CNTN5: variants seen among roughly 807,000 people sequenced by gnomAD.
The protein encoded by CNTN5 is contactin-5.
A neutral mutation model predicts 129.1 loss-of-function variants in CNTN5; 77 were observed. The ratio of observed to expected loss-of-function variants is 0.60; its 90% CI spans 0.50 to 0.72. The LOEUF (loss-of-function observed/expected upper bound fraction) is 0.72, where lower values mean the gene tolerates loss of function less well. Ranked by LOEUF, CNTN5 falls within the 30% of genes least tolerant of loss-of-function variation. The pLI is 0.00. For missense variants in CNTN5, 1,478 were observed against 1,328.8 expected (o/e 1.11, Z -1.75); for synonymous variants, 509 against 465.6 (o/e 1.09, Z -1.20).
At chr11:99,906,228 A>G (rs1591396649) in intron 6 of CNTN5, among the ~76,000 whole-genome samples, 1 of 152,206 alleles carries the variant, frequency 6.6e-6, no homozygotes, top group South Asian at 2.1e-4. Context: ...TTCAAAGGGA[A>G]TGCTTCCACC....
At chr11:99,984,763 T>G (rs1938566881) in intron 8 of CNTN5, among the ~76,000 whole-genome samples, 1 of 152,206 alleles carries the variant, frequency 6.6e-6, no homozygotes, top group Non-Finnish European at 1.5e-5. Context: ...ACATGGAATG[T>G]TGCATGCATA....
chr11:100,210,174 C>CAAAAA (rs59613776), intron 15 of CNTN5, among the ~76,000 whole-genome samples: 3 of 81,082 alleles, frequency 3.7e-5, no homozygotes, highest in South Asian at 9.4e-4. Context: ...TGCCTCTATA[C>CAAAAA]AAAAAAAAAA....
chr11:99,776,690 A>G (rs1444740723), intron 3 of CNTN5, among the ~76,000 whole-genome samples: 1 of 151,742 alleles, frequency 6.6e-6, no homozygotes, highest in Non-Finnish European at 1.5e-5. Flanking sequence ...ATAAATATAC[A>G]GCAGTGCTCT....
At chr11:100,084,708 A>G (rs1944483509) in intron 13 of CNTN5, among the ~76,000 whole-genome samples, 1 of 152,144 alleles carries the variant, frequency 6.6e-6, no homozygotes. Flanking sequence ...GTAGGGAGAT[A>G]GATTGATAGT....
At chr11:100,314,749 T>G (rs1165643993) in intron 21 of CNTN5, among the ~76,000 whole-genome samples, 1 of 152,100 alleles carries the variant, frequency 6.6e-6, no homozygotes, top group Non-Finnish European at 1.5e-5. Flanking sequence ...CTGATCTCCC[T>G]CCTGCAAGTT....
At chr11:99,683,694 T>C (rs1255987682) in intron 3 of CNTN5, among the ~76,000 whole-genome samples, 1 of 151,860 alleles carries the variant, frequency 6.6e-6, no homozygotes, top group Non-Finnish European at 1.5e-5. Flanking sequence ...GGGAGTACAT[T>C]GAGTCTATAT....
intron 15 of CNTN5, among the ~76,000 whole-genome samples, chr11:100,213,421 C>A (rs1027798757): frequency 2.6e-5 from 4 of 152,124 alleles, no homozygotes; most frequent in African/African-American, 9.7e-5. Flanking sequence ...AGTTAGAGAA[C>A]AATGAGCAGT....
At position 100,299,380 on chromosome 11, in the gene CNTN5, C is replaced by T. The variant is rs1298101187; in HGVS notation, c.2604C>T (p.Ile868=). Reference sequence around the variant, plus strand: ...GGCCTTTTAGTCAAATTGTGGTCATCTGTTCAGCTGAAGGAGGTCAGTTTT... The same window carrying T: ...GGCCTTTTAGTCAAATTGTGGTCATTTGTTCAGCTGAAGGAGGTCAGTTTT... ...GDGPFSQIVV[I]CSAEGEPSAA... Residue 868 remains isoleucine, a synonymous_variant, in exon 20 of 25, where the codon ATC becomes ATT. Transcript: ENST00000524871. 1.2e-5 allele frequency: 20 copies of T among 1,604,936 alleles called. No homozygotes were observed. The highest frequency in any genetic ancestry group is 1.6e-5 in the Non-Finnish European group (19 of 1,174,704).
At chr11:99,500,408 A>G (rs1002654357) in intron 2 of CNTN5, among the ~76,000 whole-genome samples, 1 of 152,170 alleles carries the variant, frequency 6.6e-6, no homozygotes, top group Non-Finnish European at 1.5e-5. Flanking sequence ...AAGAGCTTAA[A>G]ATGGAAAAAA....
At position 99,375,436 on chromosome 11, in the gene CNTN5, TAAC is replaced by T. The variant is rs368191815; in HGVS notation, c.-71+49955_-71+49957del. 2.7e-4 allele frequency among the ~76,000 whole-genome samples: 40 copies of T among 150,862 alleles called. 1 individual carries two copies. The South Asian group carries it at 8.0e-3, about 30-fold the overall frequency. On this transcript the variant is annotated intron_variant, in intron 2 of 24. Coordinates refer to ENST00000524871, the MANE Select transcript of CNTN5 (RefSeq NM_014361.4). ...ATCAGGGATAGAAGAGTCTAGATAA[TAAC>T]AAGTTAGAGAGTATAGTCAGGAGCT...
At chr11:99,654,691 A>C (rs907786040) in intron 3 of CNTN5, among the ~76,000 whole-genome samples, 1 of 152,114 alleles carries the variant, frequency 6.6e-6, no homozygotes, top group Non-Finnish European at 1.5e-5. Context: ...TAAGTGCTTA[A>C]AAGGTCTGAA....
At chr11:99,513,351 G>A (rs1404321319) in intron 2 of CNTN5, among the ~76,000 whole-genome samples, 1 of 152,150 alleles carries the variant, frequency 6.6e-6, no homozygotes. Context: ...TGACATAGAA[G>A]CTGCAGCAAG....
intron 1 of CNTN5, among the ~76,000 whole-genome samples, chr11:99,115,704 G>A (rs1459983789): frequency 6.6e-6 from 1 of 152,136 alleles, no homozygotes; most frequent in Non-Finnish European, 1.5e-5. Context: ...AGGTTGCAGT[G>A]AGCTGAGATC....
intron 3 of CNTN5, among the ~76,000 whole-genome samples, chr11:99,694,471 AAGTG>A (rs1231135649): frequency 4.9e-4 from 74 of 152,278 alleles, no homozygotes; most frequent in South Asian, 4.1e-4. Flanking sequence ...GTCTTCAAGT[AAGTG>A]AGTAACAGTT....
intron 13 of CNTN5, among the ~76,000 whole-genome samples, chr11:100,179,694 T>C (rs754872445): frequency 2.6e-5 from 4 of 152,206 alleles, no homozygotes; most frequent in Non-Finnish European, 5.9e-5. Flanking sequence ...GGTGATGATA[T>C]ACTAGAATTC....
At chr11:99,843,970 C>G (rs1278711220) in intron 4 of CNTN5, among the ~76,000 whole-genome samples, 1 of 152,182 alleles carries the variant, frequency 6.6e-6, no homozygotes, top group Non-Finnish European at 1.5e-5. Context: ...CTTGTATTAT[C>G]CTCTGTACAT....
At chr11:99,107,475 T>C (rs1028388805) in intron 1 of CNTN5, among the ~76,000 whole-genome samples, 4 of 152,186 alleles carry the variant, frequency 2.6e-5, no homozygotes, top group African/African-American at 9.7e-5. Context: ...TTTATGTAGT[T>C]AATAAATAAT....
chr11:99,759,575 C>G (rs1944511756), intron 3 of CNTN5, among the ~76,000 whole-genome samples: 1 of 151,770 alleles, frequency 6.6e-6, no homozygotes, highest in African/African-American at 2.4e-5. Flanking sequence ...CAAGAATTTA[C>G]CAAGGAAATG....
chr11:99,849,244 T>C (rs188864439), intron 6 of CNTN5, among the ~76,000 whole-genome samples: 1 of 151,660 alleles, frequency 6.6e-6, no homozygotes, highest in Non-Finnish European at 1.5e-5. Context: ...TAAAGATATA[T>C]CATCGAAGTT....
Sources: gnomAD v4.1 joint callset for allele counts (sites outside exome capture counted in the v4.1 genomes callset) on GRCh38, gnomAD v4.1.1 for gene constraint, MANE v1.5 for transcripts, NCBI Gene and HGNC (gene_info 2026-07-23, HGNC 2026-07-21) for gene names.